ATRNL1: variants seen among roughly 807,000 people sequenced by gnomAD.
ATRNL1 encodes the protein attractin like 1.
Under a neutral mutation model 182.7 loss-of-function variants are expected in ATRNL1, and 95 were observed. The ratio of observed to expected loss-of-function variants is 0.52; its 90% confidence interval spans 0.44 to 0.62. The LOEUF (loss-of-function observed/expected upper bound fraction) is 0.62. Ranked by LOEUF, ATRNL1 falls within the 20% of genes least tolerant of loss-of-function variation. The pLI is 0.00. For synonymous variants in ATRNL1, 576 were observed against 568.3 expected (o/e 1.01, Z -0.19); for missense variants, 1,471 against 1,679.5 (o/e 0.88, Z 2.17).
intron 3 of ATRNL1, among the ~76,000 whole-genome samples, chr10:115,125,071 G>A (rs537473459): frequency 6.6e-6 from 1 of 152,236 alleles, no homozygotes; most frequent in East Asian, 1.9e-4. Context: ...ACATTAAAGA[G>A]CATTATATTT....
chr10:115,234,809 G>A (rs1485729606), intron 9 of ATRNL1, among the ~76,000 whole-genome samples: 3 of 151,960 alleles, frequency 2.0e-5, no homozygotes, highest in African/African-American at 7.2e-5. Flanking sequence ...GGCTGGTCTC[G>A]AACTCCTGAG....
intron 20 of ATRNL1, among the ~76,000 whole-genome samples, chr10:115,423,867 TTTTG>T (rs797038785): frequency 1.3e-5 from 2 of 152,226 alleles, no homozygotes; most frequent in South Asian, 2.1e-4. Flanking sequence ...TGGGGAAGGT[TTTTG>T]TTTGTTTGTT....
rs563354628 is a variant in ATRNL1, at chr10:115,235,385, TTCTC to T, written c.1533-6182_1533-6179del. Among the ~76,000 whole-genome samples the T allele has an allele frequency of 2.2e-3, 339 of 152,288 alleles. 1 individual carries two copies. Among genetic ancestry groups the T allele is most frequent in the African/African-American group, 8.0e-3 (331 of 41,572 alleles). ...CCAAAAGAAACCCCATACCTGTCTA[TTCTC>T]TCTATCTCCATCTTCTGGCAACCAC... On this transcript the variant is annotated intron_variant, in intron 9 of 28. Coordinates refer to ENST00000355044, the MANE Select transcript of ATRNL1 (RefSeq NM_207303.4).
At chr10:115,669,457 T>A (rs1325598805) in intron 26 of ATRNL1, among the ~76,000 whole-genome samples, 1 of 152,174 alleles carries the variant, frequency 6.6e-6, no homozygotes, top group Non-Finnish European at 1.5e-5. Context: ...ATAAGGTAAA[T>A]GCCAACTTTG....
intron 9 of ATRNL1, among the ~76,000 whole-genome samples, chr10:115,227,231 CAAAT>C (rs1354861894): frequency 1.3e-5 from 2 of 152,010 alleles, no homozygotes; most frequent in Middle Eastern, 3.4e-3. Flanking sequence ...AGGCAAAAGA[CAAAT>C]AACCCCATTA....
intron 9 of ATRNL1, among the ~76,000 whole-genome samples, chr10:115,221,221 C>T (rs1449133851): frequency 2.0e-5 from 3 of 152,192 alleles, no homozygotes; most frequent in South Asian, 4.1e-4. Context: ...ACTTGCTACT[C>T]ACCTCCTGCT....
chr10:115,178,645 C>A (rs1198639619), intron 8 of ATRNL1, among the ~76,000 whole-genome samples: 4 of 152,084 alleles, frequency 2.6e-5, no homozygotes, highest in Admixed American at 6.6e-5. Context: ...GTCAGGATGG[C>A]TCTGCTGTCA....
intron 27 of ATRNL1, among the ~76,000 whole-genome samples, chr10:115,842,733 T>C (rs1285742018): frequency 2.0e-5 from 3 of 152,108 alleles, no homozygotes; most frequent in African/African-American, 7.2e-5. Flanking sequence ...CTGTATGTTT[T>C]AGTAATATTG....
intron 8 of ATRNL1, among the ~76,000 whole-genome samples, chr10:115,201,274 C>T (rs1161707619): frequency 6.6e-6 from 1 of 151,904 alleles, no homozygotes; most frequent in Non-Finnish European, 1.5e-5. Context: ...GTTGCCATTG[C>T]TTTTGGTGTT....
chr10:115,137,641 T>C (rs191976207), intron 5 of ATRNL1, among the ~76,000 whole-genome samples: 1 of 152,316 alleles, frequency 6.6e-6, no homozygotes, highest in East Asian at 1.9e-4. Context: ...GTGAGTCTTA[T>C]TTGCTATCAT....
intron 20 of ATRNL1, among the ~76,000 whole-genome samples, chr10:115,421,528 G>T (rs1220961689): frequency 2.6e-5 from 4 of 152,124 alleles, no homozygotes; most frequent in South Asian, 2.1e-4. Context: ...AAAATTAGGT[G>T]TAGAGGGAAC....
At chr10:115,766,669 C>G (rs1457462155) in intron 27 of ATRNL1, among the ~76,000 whole-genome samples, 1 of 152,096 alleles carries the variant, frequency 6.6e-6, no homozygotes, top group East Asian at 1.9e-4. Context: ...AGAGGGAAGG[C>G]GGGGGATAGA....
At chr10:115,116,632 G>C (rs1844497414) in intron 1 of ATRNL1, among the ~76,000 whole-genome samples, 1 of 152,098 alleles carries the variant, frequency 6.6e-6, no homozygotes, top group Non-Finnish European at 1.5e-5. Context: ...ACTGAAGAAG[G>C]AGAATTGTTC....
At chr10:115,356,940 A>C (rs1856530549) in intron 19 of ATRNL1, among the ~76,000 whole-genome samples, 1 of 151,898 alleles carries the variant, frequency 6.6e-6, no homozygotes. Context: ...CAATAGTTTC[A>C]GTTCTGTAGG....
chr10:115,668,542 A>G (rs528096066), intron 26 of ATRNL1, among the ~76,000 whole-genome samples: 1 of 152,276 alleles, frequency 6.6e-6, no homozygotes, highest in Non-Finnish European at 1.5e-5. Context: ...TCTGTAAGCC[A>G]TTATTTCAAA....
At chr10:115,100,234 A>G (rs946708536) in intron 1 of ATRNL1, among the ~76,000 whole-genome samples, 25 of 152,286 alleles carry the variant, frequency 1.6e-4, no homozygotes, top group African/African-American at 6.0e-4. Flanking sequence ...TGGAGGCTGC[A>G]GTGAGCTGAG....
intron 26 of ATRNL1, among the ~76,000 whole-genome samples, chr10:115,715,187 G>A (rs1947210083): frequency 6.6e-6 from 1 of 152,108 alleles, no homozygotes; most frequent in Non-Finnish European, 1.5e-5. Context: ...ACAGAAATTA[G>A]AATTCAATAA....
intron 17 of ATRNL1, among the ~76,000 whole-genome samples, chr10:115,309,105 A>G (rs781824757): frequency 8.6e-5 from 13 of 151,836 alleles, no homozygotes; most frequent in South Asian, 2.1e-4. Flanking sequence ...ATTCTGTTCC[A>G]TTTTTCTGTG....
chr10:115,529,381 C>A (rs1310586916), intron 25 of ATRNL1, among the ~76,000 whole-genome samples: 1 of 151,284 alleles, frequency 6.6e-6, no homozygotes, highest in Non-Finnish European at 1.5e-5. Context: ...TTCTTTTATA[C>A]CAAAAATATC....
Sources: allele counts gnomAD v4.1 joint callset (sites outside exome capture counted in the v4.1 genomes callset), GRCh38; gene constraint gnomAD v4.1.1; transcripts MANE v1.5; gene names NCBI Gene and HGNC (gene_info 2026-07-23, HGNC 2026-07-21).